The following DNAI4 variants were observed in gnomAD, a reference collection of about 807,000 sequenced individuals.
DNAI4 encodes WD repeat domain 78.
In DNAI4, 85 loss-of-function variants were observed where a neutral mutation model predicts 105.8. The observed-to-expected ratio is 0.80, with a 90% CI of 0.67 to 0.96. The LOEUF (loss-of-function observed/expected upper bound fraction) is 0.96. Ranked by LOEUF, DNAI4 falls within the 40% of genes least tolerant of loss-of-function variation. The pLI, the probability that DNAI4 is intolerant of heterozygous loss-of-function variation, is 0.00. For missense variants in DNAI4, 1,014 were observed against 1,005.6 expected, an observed-to-expected ratio of 1.01 and a Z score of -0.11; for synonymous variants, 352 against 331.5, an observed-to-expected ratio of 1.06 and a Z score of -0.67.
intron 15 of DNAI4, among the ~76,000 whole-genome samples, chr1:66,824,331 A>C (rs1345151901): frequency 6.6e-6 from 1 of 150,470 alleles, no homozygotes; most frequent in Non-Finnish European, 1.5e-5. Flanking sequence ...TATAGTTTGA[A>C]GTCAAGTAGT....
chr1:66,856,224 CT>C (rs1646496866), intron 7 of DNAI4, among the ~76,000 whole-genome samples: 1 of 151,170 alleles, frequency 6.6e-6, no homozygotes, highest in Non-Finnish European at 1.5e-5. Flanking sequence ...AATCCCAGCA[CT>C]TTGGGAGGCC....
chr1:66,914,185 T>C (rs1481363923), intron 1 of DNAI4, among the ~76,000 whole-genome samples: 1 of 152,186 alleles, frequency 6.6e-6, no homozygotes, highest in African/African-American at 2.4e-5. Flanking sequence ...AGAATGCATC[T>C]TTCTAGCATT....
chr1:66,892,276 C>T (rs372449773), intron 3 of DNAI4, among the ~76,000 whole-genome samples: 35 of 152,188 alleles, frequency 2.3e-4, no homozygotes, highest in African/African-American at 8.4e-4. Flanking sequence ...CAGAGGCAAG[C>T]TCCAGAGAAG....
chr1:66,823,522 C>A (rs1242463472), intron 15 of DNAI4, among the ~76,000 whole-genome samples: 1 of 147,578 alleles, frequency 6.8e-6, no homozygotes, highest in Non-Finnish European at 1.5e-5. Flanking sequence ...TACAGTCCCA[C>A]CAACAGTGTA....
At chr1:66,838,023 C>T (rs541725817) in intron 9 of DNAI4, among the ~76,000 whole-genome samples, 2 of 152,120 alleles carry the variant, frequency 1.3e-5, no homozygotes, top group African/African-American at 2.4e-5. Flanking sequence ...AAGATAAGCA[C>T]CTAAAAATAA....
chr1:66,889,587 C>T (rs564975788), intron 4 of DNAI4, among the ~76,000 whole-genome samples: 2 of 152,134 alleles, frequency 1.3e-5, no homozygotes, highest in South Asian at 2.1e-4. Flanking sequence ...CTGTTACATC[C>T]CCCAACATCA....
chr1:66,871,264 A>C (rs1646839625), intron 6 of DNAI4, 106 bp downstream of exon 6: 1 of 1,086,332 alleles, frequency 9.2e-7, no homozygotes, highest in Admixed American at 3.1e-5. Flanking sequence ...TGGCCAAATT[A>C]TTTTTATTTT....
intron 3 of DNAI4, among the ~76,000 whole-genome samples, 156 bp downstream of exon 3, chr1:66,893,073 G>GAA (rs1272121042): frequency 2.9e-4 from 39 of 136,042 alleles, no homozygotes; most frequent in African/African-American, 1.1e-3. Context: ...GAGAAAGAAA[G>GAA]AAAGAAAGAA....
At chr1:66,917,467 A>G (rs1305518914) in intron 1 of DNAI4, among the ~76,000 whole-genome samples, 1 of 152,172 alleles carries the variant, frequency 6.6e-6, no homozygotes, top group African/African-American at 2.4e-5. Context: ...ATAGAGGGGG[A>G]AAAAAACTTG....
At chr1:66,885,666 T>C (rs529523155) in intron 4 of DNAI4, among the ~76,000 whole-genome samples, 3 of 151,960 alleles carry the variant, frequency 2.0e-5, no homozygotes, top group East Asian at 1.9e-4. Flanking sequence ...AAGACCAGCC[T>C]GGGCACATGG....
rs1646639081 is a variant in DNAI4, at chr1:66,862,141, T to C, written c.1096+6A>G. 6.4e-7 allele frequency: 1 copy of C among 1,557,176 alleles called. No individual in the cohort carries two copies. The highest frequency in any genetic ancestry group is 8.6e-7 in the Non-Finnish European group (1 of 1,159,764). On this transcript the variant is annotated splice_donor_region_variant and intron_variant, in intron 7 of 16. Transcript: ENST00000371026. Reference sequence around the variant, plus strand: ...TTCAAAAAAACTAAAATAAATGAAATCTTACTTTTTTCTGTAGTGCTCCCT... The same window carrying C: ...TTCAAAAAAACTAAAATAAATGAAACCTTACTTTTTTCTGTAGTGCTCCCT...
chr1:66,920,574 G>A (rs1650403342), intron 1 of DNAI4, among the ~76,000 whole-genome samples: 1 of 152,040 alleles, frequency 6.6e-6, no homozygotes, highest in Admixed American at 6.5e-5. Flanking sequence ...GTTTGCTCTT[G>A]AAGGTGCCCA....
chr1:66,850,888 A>C (rs1250973241), intron 7 of DNAI4, among the ~76,000 whole-genome samples: 2 of 151,984 alleles, frequency 1.3e-5, no homozygotes, highest in Non-Finnish European at 2.9e-5. Flanking sequence ...ATGGTAAAAA[A>C]AATGTTTGGA....
In DNAI4 at chr1:66,871,486, A is replaced by G. The variant is rs1344350888; in HGVS notation, c.824T>C (p.Val275Ala). 5 of 1,594,236 alleles carry G rather than the reference A, an allele frequency of 3.1e-6. No homozygotes were observed. The Admixed American group carries it at 9.0e-5, about 29-fold the overall frequency. The change falls in exon 6 of 17, where the codon GTC becomes GCC. Residue 275 changes from valine to alanine, a missense_variant. Physicochemically the swap from Val to Ala is moderately conservative, Grantham distance 64 (BLOSUM62 0). Coordinates refer to ENST00000371026, the MANE Select transcript of DNAI4 (RefSeq NM_024763.5). Reference sequence around the variant, plus strand: ...ATTGCCTAATCTGTTTCTACAAAGGACTTCATAATTCTTGTTTCTCTGACT... The same window carrying G: ...ATTGCCTAATCTGTTTCTACAAAGGGCTTCATAATTCTTGTTTCTCTGACT... Reference protein sequence around the residue: ...KVTQRNKNYEVLCRNRLGNDL... With the variant: ...KVTQRNKNYEALCRNRLGNDL...
chr1:66,863,763 G>T (rs1244838879), intron 6 of DNAI4, among the ~76,000 whole-genome samples: 1 of 151,870 alleles, frequency 6.6e-6, no homozygotes, highest in Non-Finnish European at 1.5e-5. Context: ...TGGCCTCAAT[G>T]GTAAGAATGT....
In DNAI4 at chr1:66,856,497, A is replaced by T. The variant is rs146391111; in HGVS notation, c.1096+5650T>A. On this transcript the variant is annotated intron_variant, in intron 7 of 16. Transcript: ENST00000371026. ...CAAAAAAATAAAATAAAAATAAAAAAAAATTCTTATAAAATAGTTAATCGA... is the reference window on the plus strand; with the variant it reads ...CAAAAAAATAAAATAAAAATAAAAATAAATTCTTATAAAATAGTTAATCGA... Among the ~76,000 whole-genome samples the T allele has an allele frequency of 3.4e-3, 516 of 152,126 alleles. 6 individuals are homozygous for T. The highest frequency in any genetic ancestry group is 5.6e-3 in the African/African-American group (231 of 41,538).
rs144738040 is a variant in DNAI4, at chr1:66,847,666, C to G, written c.1109G>C (p.Ser370Thr). Reference sequence around the variant, plus strand: ...TACATTTTCTATGTCCATTAGAGAACTAGTTTCACTATCTACAAAATACAA... The same window carrying G: ...TACATTTTCTATGTCCATTAGAGAAGTAGTTTCACTATCTACAAAATACAA... ...GSTTEKNSET[S>T]SLMDIENVIL... The change falls in exon 8 of 17, where the codon AGT (serine) becomes ACT (threonine). Residue 370 changes from serine (S) to threonine (T), a missense_variant. Coordinates refer to ENST00000371026, the MANE Select transcript of DNAI4 (RefSeq NM_024763.5). The G allele has an allele frequency of 3.8e-4, 615 of 1,602,492 alleles. 7 individuals carry two copies. The African/African-American group carries it at 7.6e-3, about 20-fold the overall frequency.
At chr1:66,833,298 T>C (rs1238188525) in intron 13 of DNAI4, among the ~76,000 whole-genome samples, 1 of 152,156 alleles carries the variant, frequency 6.6e-6, no homozygotes, top group Non-Finnish European at 1.5e-5. Context: ...TTCTAGTTTG[T>C]TCATAGAGTT....
At position 66,892,924 on chromosome 1, in the gene DNAI4, G is replaced by GAGAAAGAGA. The variant is rs1180511255; in HGVS notation, c.530+296_530+304dup. The stretch of plus-strand genomic sequence containing the variant: ...ACTTGTCTCAAAAAAGAAAGAAAGA[G>GAGAAAGAGA]AGAAAGAGAAGAAAGAGAAGAAAGA... On this transcript the variant is annotated intron_variant, in intron 3 of 16. Transcript: ENST00000371026. 3.1e-4 allele frequency among the ~76,000 whole-genome samples: 30 copies of GAGAAAGAGA among 96,650 alleles called. No homozygotes were observed. In the South Asian group the frequency reaches 3.5e-3, roughly 11 times the overall value. 63.4% of individuals were successfully genotyped at this position (96,650 alleles called of 152,430 possible).
Sources: gnomAD v4.1 joint callset for allele counts (sites outside exome capture counted in the v4.1 genomes callset) on GRCh38, gnomAD v4.1.1 for gene constraint, MANE v1.5 for transcripts, NCBI Gene and HGNC (gene_info 2026-07-23, HGNC 2026-07-21) for gene names.